The following DNAH6 variants were observed in gnomAD, a reference collection of about 807,000 sequenced individuals.
DNAH6 encodes axonemal beta dynein heavy chain 6.
In DNAH6, 340 loss-of-function variants were observed where a neutral mutation model predicts 491.4. That is an observed-to-expected ratio of 0.69 (90% CI 0.63 to 0.76). The LOEUF is 0.76. Among genes scored for constraint, DNAH6 ranks in the 30% least tolerant of loss-of-function variants. DNAH6 has a pLI of 0.00. For synonymous variants in DNAH6, 1,603 were observed against 1,686.1 expected (o/e 0.95, Z 1.21); for missense variants, 4,443 against 4,972.2 (o/e 0.89, Z 3.20).
At chr2:84,716,118 T>TAC (rs111585600) in intron 58 of DNAH6, among the ~76,000 whole-genome samples, 5,761 of 150,490 alleles carry the variant, frequency 0.038, 352 homozygotes, top group African/African-American at 0.13. Flanking sequence ...TGTATATATA[T>TAC]ACACATATAT....
At chr2:84,706,814 AT>A in intron 52 of DNAH6, 81 bp from the exon 53 acceptor site, 16 of 1,443,920 alleles carry the variant, frequency 1.1e-5, no homozygotes, top group Admixed American at 3.4e-5. Context: ...CATATATAAA[AT>A]TTTTTTTAGA....
chr2:84,589,689 G>A (rs1160772406), intron 16 of DNAH6, among the ~76,000 whole-genome samples: 1 of 143,294 alleles, frequency 7.0e-6, no homozygotes, highest in Non-Finnish European at 1.5e-5. Flanking sequence ...TGCAGCCTAG[G>A]TGACAGAGTG....
At position 84,808,492 on chromosome 2, in the gene DNAH6, G is replaced by A. The variant is rs750884351; in HGVS notation, c.11689G>A (p.Val3897Ile). Reference sequence around the variant, plus strand: ...AGGACGTCTGAACTCCTTGACCACCGTTCTTGGACAGGAAGTGGACCGGTT... The same window carrying A: ...AGGACGTCTGAACTCCTTGACCACCATTCTTGGACAGGAAGTGGACCGGTT... ...LQGRLNSLTT[V>I]LGQEVDRFNN... The change falls in exon 72 of 77, where the codon GTT (valine) becomes ATT (isoleucine). Residue 3897 changes from valine (V) to isoleucine (I), a missense_variant. Val to Ile is a conservative substitution (Grantham distance 29). Transcript: ENST00000389394. 1.5e-5 allele frequency: 23 copies of A among 1,551,618 alleles called. No homozygotes were observed. The highest frequency in any genetic ancestry group is 1.2e-4 in the East Asian group (5 of 40,926).
intron 44 of DNAH6, among the ~76,000 whole-genome samples, chr2:84,688,217 C>T (rs958265584): frequency 4.5e-4 from 58 of 129,000 alleles, no homozygotes; most frequent in Non-Finnish European, 2.4e-4. Flanking sequence ...CCAGCCTGGG[C>T]AACAGAGAGA....
rs554334162 is a variant in DNAH6 at position 84,658,878 on chromosome 2, C to A, written c.5941-148C>A. 287 of 487,224 alleles carry A rather than the reference C, an allele frequency of 5.9e-4. 1 individual carries two copies. The highest frequency in any genetic ancestry group is 5.2e-3 in the African/African-American group (258 of 49,694). The allele number at this position is 487,224 out of a possible 1,614,324, so 30.2% of individuals were successfully genotyped here. A position where few individuals can be genotyped will look rare whatever the true frequency, so the allele number is the denominator to read the frequency against. On this transcript the variant is annotated intron_variant, in intron 36 of 76. Coordinates refer to ENST00000389394, the MANE Select transcript of DNAH6 (RefSeq NM_001370.2). ...TATAAGAAAACACTACTCTGTGAAC[C>A]ATTGAGTGAAGTATAAGAAATATAC...
chr2:84,760,778 C>T (rs186985612), intron 63 of DNAH6, among the ~76,000 whole-genome samples: 6 of 152,268 alleles, frequency 3.9e-5, no homozygotes, highest in African/African-American at 1.4e-4. Context: ...CATGATCTCA[C>T]TCTGTCACCC....
At chr2:84,643,775 G>T (rs1387504500) in intron 33 of DNAH6, among the ~76,000 whole-genome samples, 1 of 152,096 alleles carries the variant, frequency 6.6e-6, no homozygotes, top group East Asian at 1.9e-4. Context: ...GTTTCTGCAT[G>T]CTGTCCATTT....
chr2:84,740,780 C>G (rs1337529700), intron 62 of DNAH6, among the ~76,000 whole-genome samples: 1 of 152,180 alleles, frequency 6.6e-6, no homozygotes, highest in Non-Finnish European at 1.5e-5. Flanking sequence ...AAGTCTTGCC[C>G]TCTGGGAAAA....
At chr2:84,698,493 A>G (rs540032825) in intron 47 of DNAH6, among the ~76,000 whole-genome samples, 10 of 152,272 alleles carry the variant, frequency 6.6e-5, no homozygotes, top group African/African-American at 2.2e-4. Context: ...CTCTGCCACA[A>G]CCATTCCTGC....
rs1259486969 is a variant in DNAH6 at position 84,604,520 on chromosome 2, G to A, written c.3050G>A (p.Gly1017Glu). ...CAGGACATATCTGGACAGGCTTCTG[G>A]AGAAGCTGCCTTAGAAGCAATTCTT... ...EIQDISGQAS[G>E]EAALEAILKK... is the part of the protein sequence containing the mutation. The change falls in exon 19 of 77, where the codon GGA becomes GAA. Residue 1017 changes from glycine (G) to glutamate (E), a missense_variant. This residue lies in a region of DNAH6 where 2,977 missense variants were observed against 3,296.6 expected (regional missense o/e 0.90). Coordinates refer to ENST00000389394, the MANE Select transcript of DNAH6 (RefSeq NM_001370.2). 1 of 1,551,644 alleles carries A rather than the reference G, an allele frequency of 6.4e-7. No homozygotes were observed. Among genetic ancestry groups the A allele is most frequent in the Non-Finnish European group, 8.7e-7 (1 of 1,146,964 alleles).
rs1676907937 is a variant in DNAH6, at chr2:84,529,132, A to G, written c.628A>G (p.Arg210Gly). ...GFLYMIPAVP[R>G]SSIEYDTYNL... Reference sequence around the variant, plus strand: ...TCTTTATATGATCCCTGCAGTGCCAAGATCATCCATTGAATATGATACATA... The same window carrying G: ...TCTTTATATGATCCCTGCAGTGCCAGGATCATCCATTGAATATGATACATA... The change falls in exon 4 of 77, where the codon AGA becomes GGA. Residue 210 changes from arginine to glycine, a missense_variant. Transcript: ENST00000389394. 1 of 1,549,536 alleles carries G rather than the reference A, an allele frequency of 6.5e-7. No homozygotes were observed. Among genetic ancestry groups the G allele is most frequent in the Non-Finnish European group, 8.7e-7 (1 of 1,145,392 alleles).
the DNAH6 span, among the ~76,000 whole-genome samples, chr2:84,464,641 C>T: frequency 6.6e-6 from 1 of 152,140 alleles, no homozygotes; most frequent in Admixed American, 6.5e-5. Context: ...CATATCTCCC[C>T]TTTTTAGACC....
chr2:84,508,526 A>G, the DNAH6 span, among the ~76,000 whole-genome samples: 3 of 152,114 alleles, frequency 2.0e-5, no homozygotes, highest in Non-Finnish European at 2.9e-5. Context: ...CAGCTCCAGG[A>G]TTCATTGATT....
chr2:84,656,258 A>G (rs1573379014), intron 35 of DNAH6, among the ~76,000 whole-genome samples: 1 of 152,274 alleles, frequency 6.6e-6, no homozygotes, highest in Non-Finnish European at 1.5e-5. Context: ...ATAAGCATTA[A>G]TGTGCAGGTT....
intron 60 of DNAH6, among the ~76,000 whole-genome samples, chr2:84,727,445 A>C (rs1007824816): frequency 6.6e-6 from 1 of 152,178 alleles, no homozygotes; most frequent in Non-Finnish European, 1.5e-5. Flanking sequence ...ATGTAATAGC[A>C]AAATGACTTT....
chr2:84,687,737 A>T (rs1315995058), intron 44 of DNAH6, among the ~76,000 whole-genome samples: 1 of 152,024 alleles, frequency 6.6e-6, no homozygotes, highest in African/African-American at 2.4e-5. Context: ...ACAATAGAGA[A>T]GGGATATCAT....
Position 84,707,672 on chromosome 2 carries a change from T to G in DNAH6, c.9004T>G (p.Cys3002Gly). The change falls in exon 54 of 77, where the codon TGT (cysteine) becomes GGT (glycine). Residue 3002 changes from cysteine (C) to glycine (G), a missense_variant. Physicochemically the swap from Cys to Gly is radical, Grantham distance 159. Transcript: ENST00000389394. ...TGGGAACGTGTTCATAGCAGCAGCT[T>G]GTGTGGCCTACTATGGGGCTTTCAC... ...ITGNVFIAAA[C>G]VAYYGAFTAQ... 1 of 1,552,300 alleles carries G rather than the reference T, an allele frequency of 6.4e-7. No individual in the cohort carries two copies. The highest frequency in any genetic ancestry group is 8.7e-7 in the Non-Finnish European group (1 of 1,147,110).
At chr2:84,717,764 C>A (rs1697687051) in intron 58 of DNAH6, among the ~76,000 whole-genome samples, 1 of 152,126 alleles carries the variant, frequency 6.6e-6, no homozygotes, top group South Asian at 2.1e-4. Flanking sequence ...TTCTCATATG[C>A]AATCAAAAAT....
At chr2:84,593,143 A>G (rs1354158396) in intron 16 of DNAH6, among the ~76,000 whole-genome samples, 1 of 152,218 alleles carries the variant, frequency 6.6e-6, no homozygotes, top group East Asian at 1.9e-4. Flanking sequence ...TTTAAAAAAC[A>G]CAGAACCTGA....
Sources: gnomAD v4.1 joint callset for allele counts (sites outside exome capture counted in the v4.1 genomes callset) on GRCh38, gnomAD v4.1.1 for gene constraint, gnomAD v4.1.1 regional missense constraint, MANE v1.5 for transcripts, NCBI Gene and HGNC (gene_info 2026-07-23, HGNC 2026-07-21) for gene names.